The following ADAM22 variants were observed in gnomAD, a reference collection of about 807,000 sequenced individuals.
The protein encoded by ADAM22 is ADAM metallopeptidase domain 22, also known as disintegrin and metalloproteinase domain-containing protein 22.
Under a neutral mutation model 144.6 loss-of-function variants are expected in ADAM22, and 65 were observed. That is an observed-to-expected ratio of 0.45 (90% confidence interval 0.37 to 0.55). ADAM22 has a LOEUF of 0.55. ADAM22 is among the 20% of genes least tolerant of loss of function. The pLI, the probability that ADAM22 is intolerant of heterozygous loss-of-function variation, is 0.00. For synonymous variants in ADAM22, 391 were observed against 412.6 expected (o/e 0.95, Z 0.63); for missense variants, 974 against 1,184.9 (o/e 0.82, Z 2.61).
rs372260941 is a variant in ADAM22, at chr7:88,045,308, G to A, written c.324-30318G>A. Among the ~76,000 whole-genome samples the A allele has an allele frequency of 8.5e-5, 13 of 152,216 alleles. No homozygotes were observed. In the East Asian group the frequency reaches 9.6e-4, roughly 11 times the overall value. On this transcript the variant is annotated intron_variant, in intron 3 of 31. Transcript: ENST00000413139. ...GCTGGGATTATAGGCTTGAGCCACCGCACCAGGCCTAATAGAGACATTTCA... is the reference window on the plus strand; with the variant it reads ...GCTGGGATTATAGGCTTGAGCCACCACACCAGGCCTAATAGAGACATTTCA...
chr7:87,975,665 A>G (rs1461434540), intron 2 of ADAM22, among the ~76,000 whole-genome samples: 1 of 152,230 alleles, frequency 6.6e-6, no homozygotes, highest in Non-Finnish European at 1.5e-5. Flanking sequence ...AATTATAATT[A>G]ATGCAGACAG....
At chr7:87,968,228 G>T (rs1468360038) in intron 2 of ADAM22, among the ~76,000 whole-genome samples, 2 of 152,134 alleles carry the variant, frequency 1.3e-5, no homozygotes, top group Non-Finnish European at 2.9e-5. Flanking sequence ...CATTTCTTAG[G>T]TTGGTTTAGA....
intron 3 of ADAM22, among the ~76,000 whole-genome samples, chr7:88,073,447 A>G (rs1169381388): frequency 6.6e-6 from 1 of 152,202 alleles, no homozygotes; most frequent in Non-Finnish European, 1.5e-5. Context: ...CTGAGCCACC[A>G]CGTGAGCCAA....
intron 7 of ADAM22, among the ~76,000 whole-genome samples, chr7:88,119,092 C>T (rs1008814196): frequency 9.9e-5 from 15 of 152,150 alleles, no homozygotes; most frequent in African/African-American, 3.4e-4. Flanking sequence ...GACTGTGGAA[C>T]ATTTGCTTTA....
rs549616028 is a variant in ADAM22, at chr7:88,064,766, G to A, written c.324-10860G>A. On this transcript the variant is annotated intron_variant, in intron 3 of 31. Coordinates refer to ENST00000413139, the MANE Select transcript of ADAM22 (RefSeq NM_001324418.2). ...TTCATGACCCAATAACCTCCCAAAG[G>A]CCTCACCTCTTAATATCATCCCCTT... 2.9e-3 allele frequency among the ~76,000 whole-genome samples: 446 copies of A among 152,158 alleles called. 3 individuals are homozygous for A. Among genetic ancestry groups the A allele is most frequent in the African/African-American group, 0.01 (422 of 41,518 alleles).
intron 27 of ADAM22, among the ~76,000 whole-genome samples, chr7:88,179,778 G>GAAAAA (rs546621975): frequency 8.5e-5 from 13 of 152,106 alleles, no homozygotes; most frequent in African/African-American, 3.1e-4. Context: ...TAAATGAAAA[G>GAAAAA]AAGAAATAAA....
chr7:88,085,017 C>G (rs1818038400), intron 4 of ADAM22, among the ~76,000 whole-genome samples: 1 of 152,166 alleles, frequency 6.6e-6, no homozygotes, highest in South Asian at 2.1e-4. Context: ...TGAACTAGGA[C>G]CCAACCTAAT....
chr7:88,110,285 C>T (rs1825660823), intron 5 of ADAM22, among the ~76,000 whole-genome samples: 1 of 152,110 alleles, frequency 6.6e-6, no homozygotes, highest in Non-Finnish European at 1.5e-5. Context: ...AGGAATAGTA[C>T]AGTGAGACCT....
intron 2 of ADAM22, among the ~76,000 whole-genome samples, chr7:87,946,690 A>G (rs983724590): frequency 2.6e-5 from 4 of 152,134 alleles, no homozygotes; most frequent in South Asian, 2.1e-4. Context: ...TGGGCTCTCT[A>G]TTGTGTTCCA....
At chr7:88,177,128 A>C (rs1353315940) in intron 26 of ADAM22, among the ~76,000 whole-genome samples, 1 of 152,232 alleles carries the variant, frequency 6.6e-6, no homozygotes, top group Admixed American at 6.5e-5. Context: ...TTATCAGTAA[A>C]GATAGTAGTG....
intron 4 of ADAM22, among the ~76,000 whole-genome samples, chr7:88,080,027 A>T (rs1816030505): frequency 6.6e-6 from 1 of 152,184 alleles, no homozygotes; most frequent in Admixed American, 6.5e-5. Flanking sequence ...TCTCCACCTC[A>T]AATCAACAGA....
At chr7:88,100,818 C>T (rs1259988553) in intron 4 of ADAM22, among the ~76,000 whole-genome samples, 2 of 152,078 alleles carry the variant, frequency 1.3e-5, no homozygotes, top group East Asian at 3.9e-4. Context: ...CCCAGCCTCC[C>T]AAGGAGACTT....
At chr7:87,947,070 G>A (rs530303645) in intron 2 of ADAM22, among the ~76,000 whole-genome samples, 14 of 152,208 alleles carry the variant, frequency 9.2e-5, no homozygotes, top group African/African-American at 3.1e-4. Flanking sequence ...GGGAAGGAGA[G>A]GGGCAAGGGT....
At chr7:88,092,403 A>G (rs926419583) in intron 4 of ADAM22, among the ~76,000 whole-genome samples, 1 of 152,218 alleles carries the variant, frequency 6.6e-6, no homozygotes, top group African/African-American at 2.4e-5. Context: ...CTCACATGTA[A>G]TATCAGTTAT....
chr7:88,144,283 A>G (rs1835681659), intron 15 of ADAM22, among the ~76,000 whole-genome samples: 1 of 152,138 alleles, frequency 6.6e-6, no homozygotes, highest in Non-Finnish European at 1.5e-5. Context: ...TAGCTTTTGA[A>G]TGAATATTAG....
At chr7:87,993,721 C>T (rs544499190) in intron 3 of ADAM22, among the ~76,000 whole-genome samples, 12 of 152,306 alleles carry the variant, frequency 7.9e-5, no homozygotes, top group African/African-American at 2.9e-4. Flanking sequence ...TTGGCTGGTT[C>T]TATCCCCCTT....
At chr7:87,955,713 G>T (rs1846501048) in intron 2 of ADAM22, among the ~76,000 whole-genome samples, 1 of 152,164 alleles carries the variant, frequency 6.6e-6, no homozygotes, top group Non-Finnish European at 1.5e-5. Flanking sequence ...CTTTTTGTTT[G>T]TGCCCTGCCC....
chr7:88,042,704 C>G (rs1434099834), intron 3 of ADAM22, among the ~76,000 whole-genome samples: 1 of 151,736 alleles, frequency 6.6e-6, no homozygotes, highest in Non-Finnish European at 1.5e-5. Flanking sequence ...TCCTCCAATT[C>G]AAGTCTTTCC....
chr7:88,010,468 GTTTC>G (rs898261567), intron 3 of ADAM22, among the ~76,000 whole-genome samples: 26 of 152,114 alleles, frequency 1.7e-4, no homozygotes, highest in African/African-American at 6.3e-4. Flanking sequence ...CTGTTAATCT[GTTTC>G]TTTCTTTTCC....
Sources: allele counts gnomAD v4.1 joint callset (sites outside exome capture counted in the v4.1 genomes callset), GRCh38; gene constraint gnomAD v4.1.1; transcripts MANE v1.5; gene names NCBI Gene and HGNC (gene_info 2026-07-23, HGNC 2026-07-21).